NRXN1: variants seen among roughly 807,000 people sequenced by gnomAD.
The protein encoded by NRXN1 is neurexin-1.
In NRXN1, 39 loss-of-function variants were observed where a neutral mutation model predicts 150.9. The ratio of observed to expected loss-of-function variants is 0.26; its 90% CI spans 0.20 to 0.34. The LOEUF is 0.34. Among genes scored for constraint, NRXN1 ranks in the 10% least tolerant of loss-of-function variants. The probability of loss-of-function intolerance (pLI) is 1.00; values close to 1 mark genes in which losing one functional copy is unlikely to be tolerated. For synonymous variants in NRXN1, 924 were observed against 757.0 expected, an observed-to-expected ratio of 1.22 and a Z score of -3.62; for missense variants, 1,815 against 1,949.9, an observed-to-expected ratio of 0.93 and a Z score of 1.30.
intron 18 of NRXN1, among the ~76,000 whole-genome samples, chr2:50,159,897 T>A (rs900803039): frequency 2.6e-5 from 4 of 152,102 alleles, no homozygotes; most frequent in African/African-American, 4.8e-5. Flanking sequence ...GAAAAAAAAA[T>A]TATTCAACGT....
intron 21 of NRXN1, among the ~76,000 whole-genome samples, chr2:49,979,530 T>C (rs1349629044): frequency 6.6e-6 from 1 of 152,036 alleles, no homozygotes; most frequent in Non-Finnish European, 1.5e-5. Context: ...GCTGCTGAAG[T>C]TTTTTTTAAA....
At chr2:50,678,786 A>C (rs888752968) in intron 5 of NRXN1, among the ~76,000 whole-genome samples, 2 of 152,122 alleles carry the variant, frequency 1.3e-5, no homozygotes, top group African/African-American at 4.8e-5. Flanking sequence ...GATAAATGGG[A>C]GAGGAGAGAG....
intron 17 of NRXN1, among the ~76,000 whole-genome samples, chr2:50,322,050 A>C (rs1341447536): frequency 1.3e-5 from 2 of 149,460 alleles, no homozygotes; most frequent in African/African-American, 2.4e-5. Flanking sequence ...AAAAAAAAAA[A>C]AACAGTCTGT....
At chr2:50,211,670 G>A (rs139395806) in intron 18 of NRXN1, among the ~76,000 whole-genome samples, 61 of 151,268 alleles carry the variant, frequency 4.0e-4, no homozygotes, top group Non-Finnish European at 7.6e-4. Context: ...AGGAAATATC[G>A]TCATAATGAA....
At chr2:50,508,284 T>C (rs1487048471) in intron 12 of NRXN1, among the ~76,000 whole-genome samples, 3 of 152,132 alleles carry the variant, frequency 2.0e-5, no homozygotes, top group East Asian at 1.9e-4. Flanking sequence ...CAACTCCAGA[T>C]ACATGAATTT....
intron 17 of NRXN1, among the ~76,000 whole-genome samples, chr2:50,336,749 G>C (rs560601535): frequency 6.6e-5 from 10 of 152,232 alleles, no homozygotes; most frequent in Non-Finnish European, 1.3e-4. Flanking sequence ...TTTACTCTTG[G>C]TGTGCCGACA....
At chr2:50,012,644 A>G (rs754539348) in intron 21 of NRXN1, among the ~76,000 whole-genome samples, 4 of 152,164 alleles carry the variant, frequency 2.6e-5, no homozygotes, top group Non-Finnish European at 5.9e-5. Context: ...GGCTCTTGCC[A>G]TAACAGTATA....
In NRXN1 at chr2:50,920,217, T is replaced by C. The variant is rs143627427; in HGVS notation, c.832+1652A>G. Among the ~76,000 whole-genome samples the C allele has an allele frequency of 3.9e-3, 596 of 151,810 alleles. 6 individuals carry two copies. Among genetic ancestry groups the C allele is most frequent in the African/African-American group, 0.014 (561 of 41,484 alleles). ...CCTGTCCTCTGTGTCTTTGTGCTGA[T>C]TGAGGAACAAAATCTGATGAAAACT... On this transcript the variant is annotated intron_variant, in intron 5 of 22. Coordinates refer to ENST00000401669, the MANE Select transcript of NRXN1 (RefSeq NM_001330078.2).
rs554867555 is a variant in NRXN1, at chr2:50,717,127, C to T, written c.833-93512G>A. On this transcript the variant is annotated intron_variant, in intron 5 of 22. Transcript: ENST00000401669. ...TTTATTTAATTTGATTTCTTTGTATCCTCTGGTGTCTAGTACAGTAAGTAC... is the reference window on the plus strand; with the variant it reads ...TTTATTTAATTTGATTTCTTTGTATTCTCTGGTGTCTAGTACAGTAAGTAC... Among the ~76,000 whole-genome samples the T allele has an allele frequency of 5.3e-5, 8 of 152,206 alleles. 1 individual carries two copies. Among genetic ancestry groups the T allele is most frequent in the African/African-American group, 1.9e-4 (8 of 41,542 alleles).
intron 21 of NRXN1, among the ~76,000 whole-genome samples, chr2:50,000,418 G>A (rs1005851429): frequency 4.6e-5 from 7 of 152,108 alleles, no homozygotes; most frequent in African/African-American, 1.7e-4. Flanking sequence ...TAGCTTTTGA[G>A]TTAATATTAT....
intron 8 of NRXN1, among the ~76,000 whole-genome samples, chr2:50,559,170 T>C (rs1029373231): frequency 3.9e-5 from 6 of 152,232 alleles, no homozygotes; most frequent in Non-Finnish European, 7.3e-5. Context: ...CTAGCTGTTA[T>C]CTTTCTACGC....
chr2:50,614,331 C>A lies in NRXN1; in HGVS notation c.1320+5691G>T, dbSNP rs1182388928. Among the ~76,000 whole-genome samples, 4 of 152,080 alleles carry A rather than the reference C, an allele frequency of 2.6e-5. No homozygotes were observed. In the East Asian group the frequency reaches 7.7e-4, roughly 29 times the overall value. The stretch of plus-strand genomic sequence containing the variant: ...CAGACATCACTGAAGATCTCTTTTT[C>A]CTCCAAGTTCCTGCTAGGTTAATTT... On this transcript the variant is annotated intron_variant, in intron 8 of 22. Coordinates refer to ENST00000401669, the MANE Select transcript of NRXN1 (RefSeq NM_001330078.2).
chr2:50,625,140 T>C (rs112542230), intron 5 of NRXN1, among the ~76,000 whole-genome samples: 6,102 of 151,866 alleles, frequency 0.04, 169 homozygotes, highest in Middle Eastern at 0.085. Context: ...TCCCCTGTAA[T>C]AGGTTTTTAA....
At chr2:50,764,785 C>T (rs1262477015) in intron 5 of NRXN1, among the ~76,000 whole-genome samples, 22 of 151,888 alleles carry the variant, frequency 1.4e-4, no homozygotes, top group Admixed American at 1.4e-3. Context: ...TCAAATCTAC[C>T]CACGCAACAA....
intron 17 of NRXN1, among the ~76,000 whole-genome samples, chr2:50,435,570 A>G (rs550497594): frequency 7.9e-5 from 12 of 152,268 alleles, no homozygotes; most frequent in Non-Finnish European, 2.9e-5. Flanking sequence ...TTTATTCCAC[A>G]TCTTTGCTAT....
At chr2:50,487,918 C>G (rs1224644096) in intron 15 of NRXN1, among the ~76,000 whole-genome samples, 1 of 152,138 alleles carries the variant, frequency 6.6e-6, no homozygotes, top group East Asian at 1.9e-4. Context: ...TTCCTGGGAA[C>G]CTCTGACTAT....
intron 5 of NRXN1, among the ~76,000 whole-genome samples, chr2:50,652,105 C>A (rs995348278): frequency 6.6e-6 from 1 of 151,964 alleles, no homozygotes; most frequent in African/African-American, 2.4e-5. Flanking sequence ...GTTATGTTTC[C>A]ATTTTACTTT....
At chr2:50,161,295 T>A (rs1011293461) in intron 18 of NRXN1, among the ~76,000 whole-genome samples, 1 of 152,128 alleles carries the variant, frequency 6.6e-6, no homozygotes, top group Admixed American at 6.6e-5. Flanking sequence ...TGAATTTCCA[T>A]TATGAGGAAA....
At chr2:50,184,713 T>C (rs1288584247) in intron 18 of NRXN1, among the ~76,000 whole-genome samples, 2 of 151,226 alleles carry the variant, frequency 1.3e-5, no homozygotes, top group East Asian at 1.9e-4. Flanking sequence ...TCTGTCTCTC[T>C]GTCTCTCTCA....
Sources: allele counts gnomAD v4.1 joint callset (sites outside exome capture counted in the v4.1 genomes callset), GRCh38; gene constraint gnomAD v4.1.1; transcripts MANE v1.5; gene names NCBI Gene and HGNC (gene_info 2026-07-23, HGNC 2026-07-21).